DAB2IP: variants seen among roughly 807,000 people sequenced by gnomAD.
The protein encoded by DAB2IP is disabled homolog 2-interacting protein.
DAB2IP carries 28 observed loss-of-function variants against 107.2 expected under a neutral mutation model. The observed-to-expected ratio is 0.26, with a 90% CI of 0.19 to 0.36. The LOEUF (loss-of-function observed/expected upper bound fraction) is 0.36. DAB2IP is among the 10% of genes least tolerant of loss of function. The pLI is 1.00. For missense variants in DAB2IP, 1,400 were observed against 1,644.7 expected (o/e 0.85, Z 2.57); for synonymous variants, 755 against 706.4 (o/e 1.07, Z -1.09).
At chr9:121,610,369 G>A (rs1167151947) in intron 1 of DAB2IP, among the ~76,000 whole-genome samples, 2 of 152,140 alleles carry the variant, frequency 1.3e-5, no homozygotes, top group East Asian at 1.9e-4. Flanking sequence ...CCAGCCACTC[G>A]GCTCATCAGC....
At chr9:121,774,480 C>A in intron 13 of DAB2IP, 68 bp downstream of exon 13, 1 of 1,485,784 alleles carries the variant, frequency 6.7e-7, no homozygotes, top group East Asian at 2.4e-5. Flanking sequence ...GTAGGAGTCT[C>A]TCCCCCAGGT....
chr9:121,609,994 C>T (rs1468171150), intron 1 of DAB2IP, among the ~76,000 whole-genome samples: 3 of 152,196 alleles, frequency 2.0e-5, no homozygotes, highest in African/African-American at 7.2e-5. Context: ...CACTACTCAC[C>T]TCTGGATAGG....
At chr9:121,642,615 TAAA>T (rs397893249) in intron 1 of DAB2IP, among the ~76,000 whole-genome samples, 14 of 123,924 alleles carry the variant, frequency 1.1e-4, no homozygotes, top group Admixed American at 2.5e-4. Flanking sequence ...TCTTTTCTAT[TAAA>T]AAAAAAAAAA....
rs1830224901 is a variant in DAB2IP, at chr9:121,582,626, C to T, written c.40+15398C>T. 2.0e-5 allele frequency among the ~76,000 whole-genome samples: 3 copies of T among 152,070 alleles called. No homozygotes were observed. The South Asian group carries it at 6.2e-4, about 32-fold the overall frequency. On this transcript the variant is annotated intron_variant, in intron 1 of 16. Coordinates refer to the DAB2IP transcript ENST00000259371. ...CACTGGCACCCTGGGCAGCTTACCT[C>T]GTCCCACTCCTGATAGCCCCCCAAT...
At chr9:121,576,857 A>C (rs1362190473) in intron 1 of DAB2IP, among the ~76,000 whole-genome samples, 1 of 151,976 alleles carries the variant, frequency 6.6e-6, no homozygotes, top group Non-Finnish European at 1.5e-5. Flanking sequence ...CACCTTTGAG[A>C]GAGGCCTGGA....
intron 1 of DAB2IP, among the ~76,000 whole-genome samples, chr9:121,590,448 C>A (rs1464891360): frequency 6.6e-6 from 1 of 151,982 alleles, no homozygotes; most frequent in Non-Finnish European, 1.5e-5. Flanking sequence ...GTTGTGGTTA[C>A]AAAACCCAGG....
intron 3 of DAB2IP, among the ~76,000 whole-genome samples, chr9:121,726,531 A>T (rs1218351675): frequency 6.6e-6 from 1 of 152,228 alleles, no homozygotes; most frequent in Non-Finnish European, 1.5e-5. Flanking sequence ...GGGGCTTGCA[A>T]TTGGCATCTG....
intron 5 of DAB2IP, among the ~76,000 whole-genome samples, 183 bp from the exon 6 acceptor site, chr9:121,759,702 C>T (rs113767641): frequency 0.012 from 1,770 of 152,268 alleles, 16 homozygotes; most frequent in Non-Finnish European, 0.02. Context: ...TCTGTGAGGT[C>T]GACCAGAGAT....
At chr9:121,617,253 G>A (rs973865410) in intron 1 of DAB2IP, among the ~76,000 whole-genome samples, 3 of 152,184 alleles carry the variant, frequency 2.0e-5, no homozygotes, top group African/African-American at 7.2e-5. Context: ...GAACCCAGGA[G>A]GTGGAGGTTG....
chr9:121,723,430 C>T (rs939655389), intron 3 of DAB2IP, among the ~76,000 whole-genome samples: 11 of 152,206 alleles, frequency 7.2e-5, no homozygotes, highest in African/African-American at 2.7e-4. Context: ...GAGGTGCCTG[C>T]CACCCCTGAT....
intron 1 of DAB2IP, among the ~76,000 whole-genome samples, chr9:121,567,926 G>A (rs922368730): frequency 6.6e-6 from 1 of 152,146 alleles, no homozygotes. Context: ...TGGGATGCCC[G>A]GCACAGCCTG....
chr9:121,762,181 G>A (rs1361422934), intron 6 of DAB2IP, among the ~76,000 whole-genome samples: 1 of 152,208 alleles, frequency 6.6e-6, no homozygotes, highest in East Asian at 1.9e-4. Context: ...TGGGAAGCAA[G>A]GGACTTGGAC....
intron 1 of DAB2IP, among the ~76,000 whole-genome samples, chr9:121,585,625 G>A (rs935142244): frequency 2.6e-5 from 4 of 152,218 alleles, no homozygotes; most frequent in Non-Finnish European, 5.9e-5. Flanking sequence ...GGGAGGCCAA[G>A]GCAGACAGAT....
chr9:121,711,859 T>A (rs1007586209), intron 3 of DAB2IP, among the ~76,000 whole-genome samples: 4 of 152,084 alleles, frequency 2.6e-5, no homozygotes, highest in African/African-American at 9.7e-5. Flanking sequence ...AGGGGTTTAT[T>A]CCCCTTTTTG....
intron 1 of DAB2IP, among the ~76,000 whole-genome samples, chr9:121,567,924 C>T (rs1391318623): frequency 6.6e-6 from 1 of 152,106 alleles, no homozygotes; most frequent in Non-Finnish European, 1.5e-5. Context: ...GCTGGGATGC[C>T]CGGCACAGCC....
Position 121,633,256 on chromosome 9 carries a change from C to A in DAB2IP, c.41-45422C>A, listed in dbSNP as rs1006958434. ...CAGCTTCTAAATTGGGTCAGGGAAG[C>A]CTTCGAGGCCCAGAGAGAGGACATT... is the stretch of plus-strand genomic sequence containing the variant. On this transcript the variant is annotated intron_variant, in intron 1 of 16. Transcript: ENST00000259371. This position sits in a 1 kb window ranked among gnomAD's most constrained non-coding sequence, Gnocchi z 5.1. Among the ~76,000 whole-genome samples the A allele has an allele frequency of 6.6e-5, 10 of 152,112 alleles. No homozygotes were observed. The highest frequency in any genetic ancestry group is 2.4e-4 in the African/African-American group (10 of 41,408).
In DAB2IP at chr9:121,651,718, G is replaced by C; in HGVS notation, c.-58G>C. ...GGCGCCCGCCGGGCTGTCCGGAGCG[G>C]CCGATGGGGCCCGTGTGAGCGCGCC... On this transcript the variant is annotated 5_prime_UTR_variant, in exon 1 of 16. Coordinates refer to ENST00000408936, the Ensembl canonical transcript of DAB2IP. The surrounding 1 kb of genome is among the most constrained non-coding windows in gnomAD (Gnocchi z 5.1). The C allele has an allele frequency of 8.5e-7, 1 of 1,181,744 alleles. No individual in the cohort carries two copies. The highest frequency in any genetic ancestry group is 1.0e-6 in the Non-Finnish European group (1 of 955,796). 73.2% of individuals were successfully genotyped at this position (1,181,744 alleles called of 1,614,324 possible). A position where few individuals can be genotyped will look rare whatever the true frequency, so the allele number is the denominator to read the frequency against.
intron 1 of DAB2IP, among the ~76,000 whole-genome samples, chr9:121,582,386 C>A (rs935447584): frequency 6.6e-6 from 1 of 152,070 alleles, no homozygotes; most frequent in African/African-American, 2.4e-5. Context: ...GGAACCAGGG[C>A]TGCTCAGAGC....
At chr9:121,765,461 G>A (rs1231237340) in intron 8 of DAB2IP, among the ~76,000 whole-genome samples, 1 of 152,236 alleles carries the variant, frequency 6.6e-6, no homozygotes, top group Non-Finnish European at 1.5e-5. Flanking sequence ...CATTGCAGGA[G>A]AGCCTGCTGA....
Sources: gnomAD v4.1 joint callset for allele counts (sites outside exome capture counted in the v4.1 genomes callset) on GRCh38, gnomAD v4.1.1 for gene constraint, Gnocchi (gnomAD v3.1) non-coding constraint, MANE v1.5 for transcripts, NCBI Gene and HGNC (gene_info 2026-07-23, HGNC 2026-07-21) for gene names.